Variants in MBD5 observed in about 807,000 individuals in gnomAD.
MBD5 encodes methyl-CpG-binding domain protein 5.
Under a neutral mutation model 117.3 loss-of-function variants are expected in MBD5, and 13 were observed. The observed-to-expected ratio is 0.11, with a 90% CI of 0.07 to 0.18. The LOEUF (loss-of-function observed/expected upper bound fraction) is 0.18, where lower values mean the gene tolerates loss of function less well. Among genes scored for constraint, MBD5 ranks in the 10% least tolerant of loss-of-function variants. The pLI, the probability that MBD5 is intolerant of heterozygous loss-of-function variation, is 1.00. For synonymous variants in MBD5, 727 were observed against 766.4 expected (o/e 0.95, Z 0.85); for missense variants, 1,879 against 2,093.8 (o/e 0.90, Z 2.00).
At chr2:148,429,210 G>C (rs1323084353) in intron 4 of MBD5, among the ~76,000 whole-genome samples, 2 of 152,078 alleles carry the variant, frequency 1.3e-5, no homozygotes, top group East Asian at 3.8e-4. Flanking sequence ...CTTCTCAAAA[G>C]AAGACATTTA....
intron 4 of MBD5, among the ~76,000 whole-genome samples, chr2:148,415,466 T>C (rs1260686299): frequency 2.0e-5 from 3 of 152,166 alleles, no homozygotes; most frequent in Non-Finnish European, 4.4e-5. Context: ...TTGTATAGTG[T>C]CTTGCAGGGG....
At position 148,468,517 on chromosome 2, in the gene MBD5, C is replaced by G; in HGVS notation, c.574C>G (p.Gln192Glu). 1 of 1,613,890 alleles carries G rather than the reference C, an allele frequency of 6.2e-7. No homozygotes were observed. Among genetic ancestry groups the G allele is most frequent in the Non-Finnish European group, 8.5e-7 (1 of 1,179,868 alleles). Residue 192 changes from glutamine (Q) to glutamate (E), a missense_variant, in exon 8 of 14, where the codon CAA becomes GAA. Transcript: ENST00000642680. ...ACAAGAACTGCCTGGAAGCCAACAA[C>G]AAGAACTCCACCCTGTCTACCCCCG... ...YVQELPGSQQ[Q>E]ELHPVYPRQR...
intron 11 of MBD5, among the ~76,000 whole-genome samples, chr2:148,494,426 A>C (rs1681631463): frequency 6.6e-6 from 1 of 152,226 alleles, no homozygotes; most frequent in Non-Finnish European, 1.5e-5. Flanking sequence ...CTAAAAAAAA[A>C]CAACTCAGAC....
In MBD5 at chr2:148,397,671, C is replaced by G. The variant is rs1704767912; in HGVS notation, c.-557+55335C>G. Among the ~76,000 whole-genome samples the G allele has an allele frequency of 5.9e-5, 9 of 152,026 alleles. No homozygotes were observed. The South Asian group carries it at 1.7e-3, about 28-fold the overall frequency. The stretch of plus-strand genomic sequence containing the variant: ...TTATTTTATTTTATTTTTTATTATA[C>G]TTTAACTTTCAGGGTACATGTGCAC... On this transcript the variant is annotated intron_variant, in intron 4 of 13. Transcript: ENST00000642680.
intron 4 of MBD5, among the ~76,000 whole-genome samples, chr2:148,421,706 G>A (rs1421413347): frequency 6.6e-6 from 1 of 152,202 alleles, no homozygotes; most frequent in Non-Finnish European, 1.5e-5. Context: ...TACCAGCACA[G>A]CAGTCTGAGG....
chr2:148,253,075 C>T (rs886966285), intron 3 of MBD5, among the ~76,000 whole-genome samples: 1 of 152,034 alleles, frequency 6.6e-6, no homozygotes. Context: ...TTCTGAAACT[C>T]AGCAGTAAAA....
At chr2:148,345,847 A>G (rs1443422970) in intron 4 of MBD5, among the ~76,000 whole-genome samples, 1 of 151,924 alleles carries the variant, frequency 6.6e-6, no homozygotes, top group Non-Finnish European at 1.5e-5. Flanking sequence ...GTTCGAGGGC[A>G]GGAAGCATCC....
chr2:148,351,369 C>G (rs1479337882), intron 4 of MBD5, among the ~76,000 whole-genome samples: 2 of 151,978 alleles, frequency 1.3e-5, no homozygotes, highest in African/African-American at 4.8e-5. Context: ...AATATGTGGC[C>G]TTTTGTGACC....
chr2:148,099,992 G>T (rs1445983500), intron 1 of MBD5, among the ~76,000 whole-genome samples: 1 of 152,128 alleles, frequency 6.6e-6, no homozygotes, highest in African/African-American at 2.4e-5. Context: ...AGCCTAGTGG[G>T]GTAGACAGAT....
intron 1 of MBD5, among the ~76,000 whole-genome samples, chr2:148,060,389 AG>A (rs1279985052): frequency 2.6e-5 from 4 of 152,048 alleles, no homozygotes; most frequent in Admixed American, 6.5e-5. Flanking sequence ...AAAAAAAAAA[AG>A]AACAAATTTT....
intron 3 of MBD5, among the ~76,000 whole-genome samples, chr2:148,334,941 T>C (rs1328338685): frequency 2.6e-5 from 4 of 152,126 alleles, no homozygotes; most frequent in African/African-American, 7.2e-5. Flanking sequence ...TAAATGCTTA[T>C]ATATTTAAAT....
chr2:148,439,303 G>A (rs13395587), intron 4 of MBD5, among the ~76,000 whole-genome samples: 1 of 151,914 alleles, frequency 6.6e-6, no homozygotes, highest in Non-Finnish European at 1.5e-5. Context: ...TTATGATTGG[G>A]ACTAGTATGC....
At chr2:148,142,149 G>A (rs910258764) in intron 1 of MBD5, among the ~76,000 whole-genome samples, 1 of 152,086 alleles carries the variant, frequency 6.6e-6, no homozygotes, top group African/African-American at 2.4e-5. Context: ...TCCCACAAAA[G>A]AAGAACCAAA....
At chr2:148,336,745 TC>T (rs1428267755) in intron 3 of MBD5, among the ~76,000 whole-genome samples, 1 of 152,176 alleles carries the variant, frequency 6.6e-6, no homozygotes, top group African/African-American at 2.4e-5. Flanking sequence ...TCCTGAGGCA[TC>T]GTCAACACTT....
chr2:148,070,358 A>G (rs1431721831), intron 1 of MBD5, among the ~76,000 whole-genome samples: 2 of 152,214 alleles, frequency 1.3e-5, no homozygotes, highest in East Asian at 3.8e-4. Context: ...TGATATTGGT[A>G]GCATGTTTGC....
intron 1 of MBD5, among the ~76,000 whole-genome samples, chr2:148,073,714 A>G (rs945014887): frequency 1.3e-5 from 2 of 152,194 alleles, no homozygotes; most frequent in East Asian, 1.9e-4. Flanking sequence ...GAGAGGTACT[A>G]TTGTTATCCC....
At chr2:148,503,733 G>A (rs1020243654) in intron 12 of MBD5, among the ~76,000 whole-genome samples, 1 of 152,156 alleles carries the variant, frequency 6.6e-6, no homozygotes, top group Non-Finnish European at 1.5e-5. Flanking sequence ...AAGGAAAACA[G>A]GGATCAAGGT....
intron 3 of MBD5, among the ~76,000 whole-genome samples, chr2:148,238,528 TAA>T (rs1700140095): frequency 6.6e-6 from 1 of 152,154 alleles, no homozygotes; most frequent in African/African-American, 2.4e-5. Context: ...ACTAGAAAAA[TAA>T]AAAGAAACAG....
intron 1 of MBD5, among the ~76,000 whole-genome samples, chr2:148,167,544 A>G (rs1437510825): frequency 6.6e-6 from 1 of 152,184 alleles, no homozygotes; most frequent in Non-Finnish European, 1.5e-5. Flanking sequence ...ACATTGAAGT[A>G]GATTTATGAT....
Sources: gnomAD v4.1 joint callset for allele counts (sites outside exome capture counted in the v4.1 genomes callset) on GRCh38, gnomAD v4.1.1 for gene constraint, MANE v1.5 for transcripts, NCBI Gene and HGNC (gene_info 2026-07-23, HGNC 2026-07-21) for gene names.